The following LYPD6B variants were observed in gnomAD, a reference collection of about 807,000 sequenced individuals.
LYPD6B encodes the protein ly6/PLAUR domain-containing protein 6B.
LYPD6B carries 17 observed loss-of-function variants against 22.8 expected under a neutral mutation model. That is an observed-to-expected ratio of 0.75 (90% confidence interval 0.51 to 1.12). The LOEUF (loss-of-function observed/expected upper bound fraction) is 1.12. Among genes scored for constraint, LYPD6B ranks in the 50% most tolerant of loss-of-function variants. The pLI is 0.00. For missense variants in LYPD6B, 221 were observed against 258.3 expected (o/e 0.86, Z 0.99); for synonymous variants, 106 against 91.6 (o/e 1.16, Z -0.90).
At chr2:149,107,034 G>A (rs1686512970) in intron 1 of LYPD6B, among the ~76,000 whole-genome samples, 1 of 152,052 alleles carries the variant, frequency 6.6e-6, no homozygotes, top group Non-Finnish European at 1.5e-5. Context: ...CTATGATAAA[G>A]TTTAAGTTAT....
chr2:149,164,910 C>T (rs1690321482), intron 3 of LYPD6B, among the ~76,000 whole-genome samples: 1 of 152,166 alleles, frequency 6.6e-6, no homozygotes. Context: ...CACAACAAAC[C>T]ACCTCATACA....
intron 1 of LYPD6B, among the ~76,000 whole-genome samples, chr2:149,088,202 C>G (rs890359540): frequency 1.3e-5 from 2 of 151,480 alleles, no homozygotes; most frequent in Non-Finnish European, 2.9e-5. Context: ...TGAGTGGCTT[C>G]TAGAACCTTC....
chr2:149,104,698 A>C (rs980315237), intron 1 of LYPD6B, among the ~76,000 whole-genome samples: 3 of 152,196 alleles, frequency 2.0e-5, no homozygotes, highest in Non-Finnish European at 4.4e-5. Context: ...TGTCTTTCAA[A>C]GAAGTGAATA....
At chr2:149,052,501 T>C (rs1170141892) in intron 1 of LYPD6B, among the ~76,000 whole-genome samples, 1 of 152,232 alleles carries the variant, frequency 6.6e-6, no homozygotes, top group African/African-American at 2.4e-5. Context: ...TGGTAATCTA[T>C]CAAAGGCATG....
chr2:149,117,231 A>C (rs1687049979), intron 1 of LYPD6B, among the ~76,000 whole-genome samples: 1 of 151,502 alleles, frequency 6.6e-6, no homozygotes, highest in South Asian at 2.1e-4. Flanking sequence ...AGTTTTTCAT[A>C]GACAATGTAC....
intron 3 of LYPD6B, among the ~76,000 whole-genome samples, chr2:149,182,679 C>T (rs960244924): frequency 6.6e-6 from 1 of 152,182 alleles, no homozygotes; most frequent in Non-Finnish European, 1.5e-5. Flanking sequence ...TGTGGATGCT[C>T]ACAACCAACA....
intron 3 of LYPD6B, chr2:149,187,562 C>A (rs1692201332): frequency 1.4e-6 from 2 of 1,433,092 alleles, no homozygotes; most frequent in African/African-American, 1.5e-5. Flanking sequence ...CAATGAACAA[C>A]ATGAAGCCTG....
intron 3 of LYPD6B, among the ~76,000 whole-genome samples, chr2:149,198,414 G>A (rs944491533): frequency 6.6e-6 from 1 of 152,140 alleles, no homozygotes; most frequent in African/African-American, 2.4e-5. Flanking sequence ...TCTCCAGAAA[G>A]GTATAAAATC....
At chr2:149,160,228 C>T (rs974516998) in intron 2 of LYPD6B, among the ~76,000 whole-genome samples, 2 of 152,154 alleles carry the variant, frequency 1.3e-5, no homozygotes, top group East Asian at 1.9e-4. Flanking sequence ...TATATTTGCT[C>T]ATTTGAATGC....
chr2:149,067,582 A>G (rs1276191509), intron 1 of LYPD6B, among the ~76,000 whole-genome samples: 1 of 149,490 alleles, frequency 6.7e-6, no homozygotes, highest in South Asian at 2.1e-4. Flanking sequence ...TTCTGATTGT[A>G]GGCATTATAT....
At chr2:149,063,403 A>C (rs957119682) in intron 1 of LYPD6B, among the ~76,000 whole-genome samples, 1 of 152,174 alleles carries the variant, frequency 6.6e-6, no homozygotes, top group Admixed American at 6.5e-5. Context: ...TACATCGTCA[A>C]AGTCTTCCCC....
Position 149,214,736 on chromosome 2 carries a change from G to T in LYPD6B, c.*26G>T, listed in dbSNP as rs766531794. 1.9e-6 allele frequency: 3 copies of T among 1,612,184 alleles called. No homozygotes were observed. The highest frequency in any genetic ancestry group is 2.2e-5 in the East Asian group (1 of 44,858). ...TGCCACCATTCCTAGGAGAGGCAGA[G>T]ACCAGCCTCTAAAGCACAAGCCAAA... On this transcript the variant is annotated 3_prime_UTR_variant, in exon 7 of 7. Transcript: ENST00000409642.
chr2:149,203,621 A>G (rs531731960), intron 3 of LYPD6B, among the ~76,000 whole-genome samples: 1 of 152,222 alleles, frequency 6.6e-6, no homozygotes, highest in African/African-American at 2.4e-5. Flanking sequence ...AATTATATAT[A>G]TTTGTATATA....
chr2:149,066,462 T>C (rs961109006), intron 1 of LYPD6B, among the ~76,000 whole-genome samples: 1 of 151,946 alleles, frequency 6.6e-6, no homozygotes, highest in African/African-American at 2.4e-5. Context: ...TTGCTGAGAA[T>C]GATGGTTTCC....
Position 149,171,189 on chromosome 2 carries a change from G to C in LYPD6B, c.77+10354G>C, listed in dbSNP as rs1690792303. 3.9e-5 allele frequency among the ~76,000 whole-genome samples: 6 copies of C among 152,124 alleles called. No homozygotes were observed. The South Asian group carries it at 1.2e-3, about 32-fold the overall frequency. On this transcript the variant is annotated intron_variant, in intron 3 of 6. Coordinates refer to ENST00000409642, the MANE Select transcript of LYPD6B (RefSeq NM_177964.5). The stretch of plus-strand genomic sequence containing the variant: ...CCGGGAGCAGATTGACTTTACCATT[G>C]CCTGCGATTCCTGTGTGAAATAGGA...
intron 1 of LYPD6B, among the ~76,000 whole-genome samples, chr2:149,126,609 A>G (rs1017443573): frequency 2.6e-5 from 4 of 152,198 alleles, no homozygotes; most frequent in African/African-American, 9.7e-5. Context: ...CTTGCATCTC[A>G]AGGGTGGGAG....
At chr2:149,177,574 G>A (rs1691403989) in intron 3 of LYPD6B, among the ~76,000 whole-genome samples, 1 of 152,290 alleles carries the variant, frequency 6.6e-6, no homozygotes, top group African/African-American at 2.4e-5. Flanking sequence ...TTAGAGGCCC[G>A]ACATTTTGGG....
chr2:149,155,041 C>T (rs940449913), intron 2 of LYPD6B, among the ~76,000 whole-genome samples: 12 of 152,108 alleles, frequency 7.9e-5, no homozygotes, highest in Non-Finnish European at 1.6e-4. Flanking sequence ...AATTTACCAT[C>T]GAGTTTGAGA....
intron 1 of LYPD6B, among the ~76,000 whole-genome samples, chr2:149,113,740 G>A (rs1046261710): frequency 4.6e-5 from 7 of 152,034 alleles, no homozygotes; most frequent in African/African-American, 1.4e-4. Context: ...GTTTTAATTG[G>A]AACACTCATC....
Sources: allele counts gnomAD v4.1 joint callset (sites outside exome capture counted in the v4.1 genomes callset), GRCh38; gene constraint gnomAD v4.1.1; transcripts MANE v1.5; gene names NCBI Gene and HGNC (gene_info 2026-07-23, HGNC 2026-07-21).